The following DOCK7 variants were observed in gnomAD, a reference collection of about 807,000 sequenced individuals.
DOCK7 encodes dedicator of cytokinesis protein 7.
In DOCK7, 138 loss-of-function variants were observed where a neutral mutation model predicts 271.0. That is an observed-to-expected ratio of 0.51 (90% CI 0.44 to 0.59). DOCK7 has a LOEUF of 0.59. DOCK7 is among the 20% of genes least tolerant of loss of function. DOCK7 has a pLI of 0.00. For missense variants in DOCK7, 2,066 were observed against 2,592.4 expected (o/e 0.80, Z 4.41); for synonymous variants, 823 against 876.1 (o/e 0.94, Z 1.07).
chr1:62,597,663 C>A, intron 14 of DOCK7: 1 of 1,613,386 alleles, frequency 6.2e-7, no homozygotes, highest in Non-Finnish European at 8.5e-7. Flanking sequence ...ATCTCCAGAG[C>A]CAAAATCAAG....
At chr1:62,618,908 A>C (rs990350570) in intron 13 of DOCK7, 40 bp from the exon 14 acceptor site, 23 of 1,565,836 alleles carry the variant, frequency 1.5e-5, no homozygotes, top group Non-Finnish European at 2.0e-5. Context: ...AAGACAATAA[A>C]AAAGTCCACG....
rs990680497 is a variant in DOCK7, at chr1:62,636,519, C to G, written c.885+18G>C. 1 of 1,566,802 alleles carries G rather than the reference C, an allele frequency of 6.4e-7. No homozygotes were observed. Among genetic ancestry groups the G allele is most frequent in the Non-Finnish European group, 8.7e-7 (1 of 1,149,318 alleles). ...AATGATTATGACAAATAACTATGGT[C>G]AAATTATATAATCTTACCTTTTTCT... On this transcript the variant is annotated intron_variant, in intron 8 of 49. Coordinates refer to ENST00000635253, the MANE Select transcript of DOCK7 (RefSeq NM_001367561.1).
chr1:62,601,859 A>G lies in DOCK7; in HGVS notation c.1683-15235T>C, dbSNP rs747898335. On this transcript the variant is annotated intron_variant, in intron 14 of 49. Transcript: ENST00000635253. ...AGACCCAGCAACTCTCAAGTTTTTC[A>G]TGTCTACTGTGATGTTATATCAGGT... 1.2e-6 allele frequency: 2 copies of G among 1,608,816 alleles called. 1 individual carries two copies. The highest frequency in any genetic ancestry group is 2.2e-5 in the South Asian group (2 of 90,964).
chr1:62,455,356 TCA>T lies in DOCK7; in HGVS notation c.*56_*57del, dbSNP rs1645317135. On this transcript the variant is annotated 3_prime_UTR_variant, in exon 50 of 50. Coordinates refer to ENST00000635253, the MANE Select transcript of DOCK7 (RefSeq NM_001367561.1). ...CCATGTTGTTTTCCAATAGATCTTT[TCA>T]CACTCGATGTTGAATACATGGCTCT... 6.4e-7 allele frequency: 1 copy of T among 1,563,858 alleles called. No homozygotes were observed. Among genetic ancestry groups the T allele is most frequent in the Non-Finnish European group, 8.8e-7 (1 of 1,135,666 alleles).
intron 43 of DOCK7, chr1:62,483,720 C>T (rs1646208269): frequency 6.6e-6 from 1 of 152,112 alleles, no homozygotes; most frequent in South Asian, 2.1e-4. Context: ...GTAGCTGAGA[C>T]CACAGGTACA....
At chr1:62,505,145 A>C (rs964870724) in intron 36 of DOCK7, among the ~76,000 whole-genome samples, 6 of 152,250 alleles carry the variant, frequency 3.9e-5, no homozygotes, top group Non-Finnish European at 8.8e-5. Flanking sequence ...ATTTTCATCA[A>C]CATCTCTGCA....
At chr1:62,481,091 G>A (rs556572973) in intron 43 of DOCK7, among the ~76,000 whole-genome samples, 1 of 151,922 alleles carries the variant, frequency 6.6e-6, no homozygotes, top group Non-Finnish European at 1.5e-5. Context: ...AAAGACTGAA[G>A]GAGATGGAAG....
chr1:62,553,784 T>C lies in DOCK7; in HGVS notation c.2597-883A>G, dbSNP rs896330065. 2.7e-5 allele frequency among the ~76,000 whole-genome samples: 4 copies of C among 150,322 alleles called. No homozygotes were observed. In the South Asian group the frequency reaches 6.3e-4, roughly 24 times the overall value. ...CATTATCTCTTCAGTATTTCTATAATTGTATATTACACATACAATAAAAAC... is the reference window on the plus strand; with the variant it reads ...CATTATCTCTTCAGTATTTCTATAACTGTATATTACACATACAATAAAAAC... On this transcript the variant is annotated intron_variant, in intron 21 of 49. Transcript: ENST00000635253.
At chr1:62,482,757 T>C (rs978761632) in intron 43 of DOCK7, 2 of 152,244 alleles carry the variant, frequency 1.3e-5, no homozygotes, top group Non-Finnish European at 2.9e-5. Flanking sequence ...AGAAATTCTT[T>C]TGAGGATTAC....
At chr1:62,625,692 C>T (rs1455994046) in intron 11 of DOCK7, among the ~76,000 whole-genome samples, 1 of 152,192 alleles carries the variant, frequency 6.6e-6, no homozygotes, top group Non-Finnish European at 1.5e-5. Flanking sequence ...GCATTTACTA[C>T]AAAATGTTTA....
At chr1:62,584,096 C>A (rs1647234996) in intron 15 of DOCK7, 1 of 939,746 alleles carries the variant, frequency 1.1e-6, no homozygotes, top group Non-Finnish European at 1.3e-6. Context: ...ATTCCATCAA[C>A]ACAACTGGTA....
chr1:62,487,310 C>G, intron 43 of DOCK7, 88 bp downstream of exon 43: 1 of 1,337,310 alleles, frequency 7.5e-7, no homozygotes, highest in Non-Finnish European at 1.1e-6. Context: ...AGAATGCCCA[C>G]AGCTAGCACA....
At chr1:62,554,996 A>G (rs1025252718) in intron 21 of DOCK7, among the ~76,000 whole-genome samples, 5 of 152,242 alleles carry the variant, frequency 3.3e-5, no homozygotes, top group Non-Finnish European at 5.9e-5. Flanking sequence ...CCAAAAGCTG[A>G]TAAAAGGCAC....
intron 14 of DOCK7, among the ~76,000 whole-genome samples, chr1:62,609,832 T>C (rs774071555): frequency 6.6e-6 from 1 of 151,996 alleles, no homozygotes; most frequent in Non-Finnish European, 1.5e-5. Context: ...AGCTCTTGAC[T>C]CAGAATTCTT....
intron 46 of DOCK7, 87 bp from the exon 47 acceptor site, chr1:62,475,438 A>C: frequency 7.0e-7 from 1 of 1,429,548 alleles, no homozygotes; most frequent in East Asian, 2.3e-5. Flanking sequence ...ATTAGAAAAA[A>C]AAAAGATCAA....
chr1:62,551,522 A>G (rs964007669), intron 22 of DOCK7, among the ~76,000 whole-genome samples: 9 of 152,140 alleles, frequency 5.9e-5, no homozygotes, highest in African/African-American at 2.2e-4. Flanking sequence ...AAACAAGATC[A>G]CCTGAAGAAG....
intron 21 of DOCK7, chr1:62,555,372 G>A (rs2149431595): frequency 6.6e-6 from 1 of 152,440 alleles, no homozygotes; most frequent in East Asian, 1.9e-4. Context: ...TCTTTTTTAT[G>A]TTTAAAAGAC....
chr1:62,551,233 G>A (rs1455725263), intron 22 of DOCK7, among the ~76,000 whole-genome samples: 1 of 152,042 alleles, frequency 6.6e-6, no homozygotes, highest in African/African-American at 2.4e-5. Flanking sequence ...TAAAGTTATT[G>A]GTAATGACAA....
chr1:62,489,876 C>T (rs772602465), intron 41 of DOCK7, among the ~76,000 whole-genome samples: 6 of 152,024 alleles, frequency 3.9e-5, no homozygotes, highest in African/African-American at 1.2e-4. Flanking sequence ...ATTAAGCTGA[C>T]GAAGGCAATC....
Sources: gnomAD v4.1 joint callset for allele counts (sites outside exome capture counted in the v4.1 genomes callset) on GRCh38, gnomAD v4.1.1 for gene constraint, MANE v1.5 for transcripts, NCBI Gene and HGNC (gene_info 2026-07-23, HGNC 2026-07-21) for gene names.